The following HS6ST3 variants were observed in gnomAD, a reference collection of about 807,000 sequenced individuals.
The protein encoded by HS6ST3 is heparan-sulfate 6-O-sulfotransferase 3.
HS6ST3 carries 12 observed loss-of-function variants against 36.7 expected under a neutral mutation model. That is an observed-to-expected ratio of 0.33 (90% CI 0.21 to 0.53). HS6ST3 has a LOEUF of 0.53. HS6ST3 is among the 20% of genes least tolerant of loss of function. The pLI is 0.95. For missense variants in HS6ST3, 584 were observed against 640.9 expected, an observed-to-expected ratio of 0.91 and a Z score of 0.96; for synonymous variants, 240 against 257.5, an observed-to-expected ratio of 0.93 and a Z score of 0.65.
At chr13:96,686,569 C>A (rs559513916) in intron 1 of HS6ST3, among the ~76,000 whole-genome samples, 1 of 152,052 alleles carries the variant, frequency 6.6e-6, no homozygotes, top group South Asian at 2.1e-4. Flanking sequence ...ATTTCTATTA[C>A]TGAGACACTG....
At chr13:96,220,687 C>G (rs1286321913) in intron 1 of HS6ST3, among the ~76,000 whole-genome samples, 3 of 152,184 alleles carry the variant, frequency 2.0e-5, no homozygotes, top group Admixed American at 1.3e-4. Flanking sequence ...TGGCCCAGGG[C>G]TTCTATAAAT....
intron 1 of HS6ST3, among the ~76,000 whole-genome samples, chr13:96,280,290 T>C (rs941833797): frequency 6.6e-6 from 1 of 152,302 alleles, no homozygotes; most frequent in South Asian, 2.1e-4. Flanking sequence ...TAGTCTTTGA[T>C]GATATATTTG....
chr13:96,316,693 G>A (rs1175572448), intron 1 of HS6ST3, among the ~76,000 whole-genome samples: 1 of 152,182 alleles, frequency 6.6e-6, no homozygotes, highest in East Asian at 1.9e-4. Context: ...CTAAATTAGA[G>A]CTTAATTTTA....
chr13:96,233,738 A>C (rs1594725422), intron 1 of HS6ST3, among the ~76,000 whole-genome samples: 1 of 152,176 alleles, frequency 6.6e-6, no homozygotes, highest in Non-Finnish European at 1.5e-5. Flanking sequence ...GGAAGAGGGA[A>C]TGTGGAGAGG....
chr13:96,148,441 G>A (rs1286348954), intron 1 of HS6ST3, among the ~76,000 whole-genome samples: 2 of 152,140 alleles, frequency 1.3e-5, no homozygotes, highest in African/African-American at 4.8e-5. Context: ...GACAAAAATA[G>A]AGACAGAGCA....
At chr13:96,766,009 C>T (rs1877103943) in intron 1 of HS6ST3, among the ~76,000 whole-genome samples, 1 of 152,142 alleles carries the variant, frequency 6.6e-6, no homozygotes, top group South Asian at 2.1e-4. Flanking sequence ...ACTGGCAGTA[C>T]AACCTATTGT....
chr13:96,785,651 GAAC>G (rs375673374), intron 1 of HS6ST3, among the ~76,000 whole-genome samples: 42 of 151,982 alleles, frequency 2.8e-4, no homozygotes, highest in African/African-American at 7.2e-4. Context: ...GCATGGGCTG[GAAC>G]AACAACAACA....
chr13:96,091,367 A>G lies in HS6ST3; in HGVS notation c.505A>G (p.Ile169Val), dbSNP rs1392313548. Residue 169 changes from isoleucine to valine, a missense_variant, in exon 1 of 2, where the codon ATC (isoleucine) becomes GTC (valine). By Grantham distance (29) the Ile-to-Val change is conservative (BLOSUM62 3). Coordinates refer to ENST00000376705, the MANE Select transcript of HS6ST3 (RefSeq NM_153456.4). ...TTFGRHLVKNIRLEQPCSCKA... is the reference protein window; with the variant it reads ...TTFGRHLVKNVRLEQPCSCKA... ...TTTCGGCCGGCACCTGGTGAAGAAC[A>G]TCCGGCTGGAGCAGCCTTGTAGCTG... The G allele has an allele frequency of 6.2e-7, 1 of 1,613,958 alleles. No homozygotes were observed. Among genetic ancestry groups the G allele is most frequent in the Admixed American group, 1.7e-5 (1 of 60,006 alleles).
chr13:96,573,853 G>T (rs1014542728), intron 1 of HS6ST3: 1 of 442,626 alleles, frequency 2.3e-6, no homozygotes, highest in Non-Finnish European at 4.4e-6. Flanking sequence ...CCCATCACAC[G>T]AATGAATCCA....
intron 1 of HS6ST3, among the ~76,000 whole-genome samples, chr13:96,451,040 T>C (rs2055725354): frequency 6.6e-6 from 1 of 151,492 alleles, no homozygotes; most frequent in Non-Finnish European, 1.5e-5. Flanking sequence ...CCTCAGCTAG[T>C]TTATTTCTAA....
intron 1 of HS6ST3, among the ~76,000 whole-genome samples, chr13:96,181,825 G>A (rs930924787): frequency 1.3e-5 from 2 of 152,050 alleles, no homozygotes; most frequent in South Asian, 2.1e-4. Flanking sequence ...ATTTATATCC[G>A]CACCTCTGTC....
chr13:96,189,235 C>T (rs1296406096), intron 1 of HS6ST3, among the ~76,000 whole-genome samples: 1 of 151,996 alleles, frequency 6.6e-6, no homozygotes, highest in African/African-American at 2.4e-5. Context: ...AGCTTGTGAA[C>T]TGTAGTCTTA....
At chr13:96,147,913 T>C (rs959837476) in intron 1 of HS6ST3, among the ~76,000 whole-genome samples, 2 of 152,250 alleles carry the variant, frequency 1.3e-5, no homozygotes, top group Non-Finnish European at 2.9e-5. Context: ...TATGTGTTAT[T>C]GCTTGTTTTT....
In HS6ST3 at chr13:96,711,762, G is replaced by A. The variant is rs113098196; in HGVS notation, c.708-120728G>A. On this transcript the variant is annotated intron_variant, in intron 1 of 1. Transcript: ENST00000376705. ...TTTATATCATTGTGTGTCTCATTTC[G>A]GACTTTCCACGTGTTTCCCAGTACA... 5.2e-3 allele frequency among the ~76,000 whole-genome samples: 796 copies of A among 152,152 alleles called. 9 individuals are homozygous for A. The highest frequency in any genetic ancestry group is 0.017 in the African/African-American group (710 of 41,490).
At chr13:96,646,475 G>T (rs1467303942) in intron 1 of HS6ST3, among the ~76,000 whole-genome samples, 1 of 151,974 alleles carries the variant, frequency 6.6e-6, no homozygotes, top group Non-Finnish European at 1.5e-5. Flanking sequence ...ATTACTATAA[G>T]ATGGCAAATG....
chr13:96,568,370 G>A (rs1384714974), intron 1 of HS6ST3, among the ~76,000 whole-genome samples: 20 of 152,124 alleles, frequency 1.3e-4, no homozygotes, highest in Non-Finnish European at 4.4e-5. Context: ...GGGTTCAAGC[G>A]ATTCTCCTTC....
chr13:96,627,079 A>G (rs953207289), intron 1 of HS6ST3, among the ~76,000 whole-genome samples: 9 of 152,102 alleles, frequency 5.9e-5, no homozygotes, highest in African/African-American at 2.2e-4. Flanking sequence ...TGTTTTTAAA[A>G]GAAAAAGTAA....
rs191966999 is a variant in HS6ST3, at chr13:96,714,696, T to G, written c.708-117794T>G. Among the ~76,000 whole-genome samples, 4 of 152,258 alleles carry G rather than the reference T, an allele frequency of 2.6e-5. No homozygotes were observed. The East Asian group carries it at 7.7e-4, about 29-fold the overall frequency. On this transcript the variant is annotated intron_variant, in intron 1 of 1. Coordinates refer to ENST00000376705, the MANE Select transcript of HS6ST3 (RefSeq NM_153456.4). ...ATATTGATACATAAGTAGATATATA[T>G]TCTTTTTAAAATTGTTTTTTAAAAA...
At chr13:96,797,547 A>C (rs963722337) in intron 1 of HS6ST3, among the ~76,000 whole-genome samples, 4 of 152,130 alleles carry the variant, frequency 2.6e-5, no homozygotes, top group African/African-American at 9.6e-5. Flanking sequence ...TCTGAAAACA[A>C]CAACAATGGC....
Sources: gnomAD v4.1 joint callset for allele counts (sites outside exome capture counted in the v4.1 genomes callset) on GRCh38, gnomAD v4.1.1 for gene constraint, MANE v1.5 for transcripts, NCBI Gene and HGNC (gene_info 2026-07-23, HGNC 2026-07-21) for gene names.